The following LMX1B variants were observed in gnomAD, a reference collection of about 807,000 sequenced individuals.
The protein encoded by LMX1B is LIM homeobox transcription factor 1-beta.
In LMX1B, 12 loss-of-function variants were observed where a neutral mutation model predicts 51.4. The observed-to-expected ratio is 0.23, with a 90% confidence interval of 0.15 to 0.38. The LOEUF is 0.38. LMX1B is among the 10% of genes least tolerant of loss of function. LMX1B has a pLI of 1.00. For synonymous variants in LMX1B, 237 were observed against 235.4 expected, an observed-to-expected ratio of 1.01 and a Z score of -0.06; for missense variants, 445 against 571.1, an observed-to-expected ratio of 0.78 and a Z score of 2.25.
At chr9:126,666,147 G>C (rs759518199) in intron 2 of LMX1B, among the ~76,000 whole-genome samples, 3 of 152,258 alleles carry the variant, frequency 2.0e-5, no homozygotes, top group Non-Finnish European at 4.4e-5. Flanking sequence ...TTTGCTGAGA[G>C]GCACAGACGG....
In LMX1B at chr9:126,645,772, T is replaced by G. The variant is rs115643074; in HGVS notation, c.326+30203T>G. 3.7e-3 allele frequency among the ~76,000 whole-genome samples: 556 copies of G among 152,298 alleles called. 2 individuals carry two copies. Among genetic ancestry groups the G allele is most frequent in the African/African-American group, 0.013 (538 of 41,562 alleles). The stretch of plus-strand genomic sequence containing the variant: ...GGGCTTTGTCCTCGGAATTCATGGA[T>G]TCCATGTTTAAGAGTTGGAGTTGAC... On this transcript the variant is annotated intron_variant, in intron 2 of 7. Transcript: ENST00000373474.
rs557898790 is a variant in LMX1B at position 126,625,567 on chromosome 9, C to G, written c.326+9998C>G. Among the ~76,000 whole-genome samples the G allele has an allele frequency of 2.0e-5, 3 of 152,344 alleles. No homozygotes were observed. Among genetic ancestry groups the G allele is most frequent in the Non-Finnish European group, 2.9e-5 (2 of 68,028 alleles). On this transcript the variant is annotated intron_variant, in intron 2 of 7. Coordinates refer to ENST00000373474, the MANE Select transcript of LMX1B (RefSeq NM_001174147.2). This position sits in a 1 kb window ranked among gnomAD's most constrained non-coding sequence, Gnocchi z 5.3. ...GATCCCTGGGACTAATGTCGCAGCG[C>G]TCGCACTCCTGCAGGTCTCCAGGGT...
rs142494561 is a variant in LMX1B at position 126,670,967 on chromosome 9, C to A, written c.327-19869C>A. 3.9e-5 allele frequency among the ~76,000 whole-genome samples: 6 copies of A among 152,316 alleles called. No individual in the cohort carries two copies. In the East Asian group the frequency reaches 1.2e-3, roughly 29 times the overall value. On this transcript the variant is annotated intron_variant, in intron 2 of 7. Transcript: ENST00000373474. ...GTAGGCATGAGGATTGGGAGCCCAG[C>A]ACACACAGACCTCCCACGCTAGCTG... is the stretch of plus-strand genomic sequence containing the variant.
At chr9:126,686,004 A>G (rs1836759990) in intron 2 of LMX1B, among the ~76,000 whole-genome samples, 1 of 152,126 alleles carries the variant, frequency 6.6e-6, no homozygotes, top group Admixed American at 6.5e-5. Flanking sequence ...GGACATTAGG[A>G]AGCCAATGTT....
In LMX1B at chr9:126,618,947, C is replaced by T. The variant is rs1000482132; in HGVS notation, c.326+3378C>T. Among the ~76,000 whole-genome samples, 3 of 151,996 alleles carry T rather than the reference C, an allele frequency of 2.0e-5. No homozygotes were observed. The highest frequency in any genetic ancestry group is 6.5e-5 in the Admixed American group (1 of 15,290). On this transcript the variant is annotated intron_variant, in intron 2 of 7. Coordinates refer to ENST00000373474, the MANE Select transcript of LMX1B (RefSeq NM_001174147.2). The surrounding 1 kb of genome is among the most constrained non-coding windows in gnomAD (Gnocchi z 4.5). ...AGACGCGGGGTTCCGGCCCGGGCCGCGCTCCTACCTCGGCGGCGGGGCCGC... is the reference window on the plus strand; with the variant it reads ...AGACGCGGGGTTCCGGCCCGGGCCGTGCTCCTACCTCGGCGGCGGGGCCGC...
At chr9:126,648,667 G>A (rs569155635) in intron 2 of LMX1B, among the ~76,000 whole-genome samples, 2 of 152,314 alleles carry the variant, frequency 1.3e-5, no homozygotes, top group South Asian at 2.1e-4. Context: ...TGGATAGATC[G>A]ATGGACAGGT....
At chr9:126,670,483 G>A (rs56194137) in intron 2 of LMX1B, among the ~76,000 whole-genome samples, 13,559 of 152,278 alleles carry the variant, frequency 0.089, 755 homozygotes, top group South Asian at 0.18. Context: ...GGCATATTGT[G>A]CTGGCATGTG....
rs775705878 is a variant in LMX1B at position 126,691,058 on chromosome 9, G to A, written c.549G>A (p.Glu183=). 1.9e-5 allele frequency: 31 copies of A among 1,609,824 alleles called. No individual in the cohort carries two copies. The African/African-American group carries it at 3.6e-4, about 19-fold the overall frequency. ...TGCTCAGCTCCGTGAGCCCCGACGA[G>A]TCCGACTCCGGTGAGGCCTGGCCTG... The part of the protein sequence containing the change: ...KDLLSSVSPD[E]SDSVKSEDED... The change falls in exon 3 of 8, where the codon GAG becomes GAA. Residue 183 remains glutamate, a synonymous_variant. Coordinates refer to ENST00000373474, the MANE Select transcript of LMX1B (RefSeq NM_001174147.2).
chr9:126,688,279 C>T (rs2029983180), intron 2 of LMX1B, among the ~76,000 whole-genome samples: 1 of 152,224 alleles, frequency 6.6e-6, no homozygotes, highest in Admixed American at 6.5e-5. Context: ...CTGAGCACAG[C>T]CAGCACTGTG....
chr9:126,687,617 G>T (rs2029951699), intron 2 of LMX1B, among the ~76,000 whole-genome samples: 1 of 152,154 alleles, frequency 6.6e-6, no homozygotes, highest in Non-Finnish European at 1.5e-5. Flanking sequence ...AGTTATGGAG[G>T]TTGTGCCCGC....
intron 2 of LMX1B, among the ~76,000 whole-genome samples, chr9:126,642,112 T>C (rs1835820073): frequency 6.6e-6 from 1 of 152,128 alleles, no homozygotes; most frequent in South Asian, 2.1e-4. Context: ...TGTGCTCATA[T>C]GTGTGTCCCT....
At position 126,696,016 on chromosome 9, in the gene LMX1B, A is replaced by ACCG; in HGVS notation, c.1051+15_1051+16insGCC. The ACCG allele has an allele frequency of 6.6e-7, 1 of 1,512,700 alleles. No homozygotes were observed. The allele number at this position is 1,512,700 out of a possible 1,614,324, so 93.7% of individuals were successfully genotyped here. A position where few individuals can be genotyped will look rare whatever the true frequency, so the allele number is the denominator to read the frequency against. On this transcript the variant is annotated intron_variant, in intron 7 of 7. Transcript: ENST00000373474. ...ATGAACCCCTATGGTAAGCCGCCCT[A>ACCG]CCCCCACCCGCCCGCCCCAGCACAG... is the stretch of plus-strand genomic sequence containing the variant.
At chr9:126,678,033 G>A (rs544410202) in intron 2 of LMX1B, among the ~76,000 whole-genome samples, 1 of 152,274 alleles carries the variant, frequency 6.6e-6, no homozygotes, top group East Asian at 1.9e-4. Context: ...AGAAACTGCT[G>A]GGCATGGTGG....
In LMX1B at chr9:126,673,469, G is replaced by A. The variant is rs2118950352; in HGVS notation, c.327-17367G>A. Among the ~76,000 whole-genome samples, 1 of 152,254 alleles carries A rather than the reference G, an allele frequency of 6.6e-6. No individual in the cohort carries two copies. Among genetic ancestry groups the A allele is most frequent in the Admixed American group, 6.5e-5 (1 of 15,306 alleles). ...CAGTGTAGAAAGAGGCTAACCCAGG[G>A]CTCCCTCAGGTAGGGCAGAAGGTAG... On this transcript the variant is annotated intron_variant, in intron 2 of 7. Transcript: ENST00000373474. The surrounding 1 kb of genome is among the most constrained non-coding windows in gnomAD (Gnocchi z 4.4).
At chr9:126,638,630 G>A (rs1358469447) in intron 2 of LMX1B, among the ~76,000 whole-genome samples, 1 of 152,092 alleles carries the variant, frequency 6.6e-6, no homozygotes, top group African/African-American at 2.4e-5. Flanking sequence ...CGGCTCTCGG[G>A]GGAGACAGCC....
chr9:126,637,834 G>A (rs71497625), intron 2 of LMX1B, among the ~76,000 whole-genome samples: 16 of 54,432 alleles, frequency 2.9e-4, no homozygotes, highest in East Asian at 2.2e-3. Context: ...CCCCCCCCCC[G>A]CCCCCCGCTC....
chr9:126,694,546 G>C lies in LMX1B; in HGVS notation c.886+734G>C, dbSNP rs563114923. Among the ~76,000 whole-genome samples, 35 of 152,308 alleles carry C rather than the reference G, an allele frequency of 2.3e-4. No individual in the cohort carries two copies. In the South Asian group the frequency reaches 6.2e-3, roughly 27 times the overall value. ...TCTTGAGCCAGGGCTGGTCTCCTGGGCCTTCAAAGCCATGAGGGAGGAGCA... is the reference window on the plus strand; with the variant it reads ...TCTTGAGCCAGGGCTGGTCTCCTGGCCCTTCAAAGCCATGAGGGAGGAGCA... On this transcript the variant is annotated intron_variant, in intron 6 of 7. Transcript: ENST00000373474.
chr9:126,621,622 G>A (rs1246652961), intron 2 of LMX1B, among the ~76,000 whole-genome samples: 1 of 147,008 alleles, frequency 6.8e-6, no homozygotes, highest in African/African-American at 2.5e-5. Context: ...TGGTTCCCCG[G>A]TGGCCTATAG....
rs2030486805 is a variant in LMX1B, at chr9:126,700,015, C to G, written c.*3564C>G. On this transcript the variant is annotated 3_prime_UTR_variant, in exon 8 of 8. Transcript: ENST00000373474. ...TGGCAAAAGACCAAGTTCCACTTCC[C>G]TGCTGGGGAAGTCAAGGCTCAGAAA... 1 of 152,246 alleles carries G rather than the reference C, an allele frequency of 6.6e-6. No individual in the cohort carries two copies. The highest frequency in any genetic ancestry group is 2.1e-4 in the South Asian group (1 of 4,828). 9.4% of individuals were successfully genotyped at this position (152,246 alleles called of 1,614,324 possible).
Sources: gnomAD v4.1 joint callset for allele counts (sites outside exome capture counted in the v4.1 genomes callset) on GRCh38, gnomAD v4.1.1 for gene constraint, Gnocchi (gnomAD v3.1) non-coding constraint, MANE v1.5 for transcripts, NCBI Gene and HGNC (gene_info 2026-07-23, HGNC 2026-07-21) for gene names.